The following CSMD1 variants were observed in gnomAD, a reference collection of about 807,000 sequenced individuals.
CSMD1 encodes the protein CUB and Sushi multiple domains 1, also known as CUB and sushi domain-containing protein 1.
A neutral mutation model predicts 417.5 loss-of-function variants in CSMD1; 213 were observed. The ratio of observed to expected loss-of-function variants is 0.51; its 90% CI spans 0.46 to 0.57. The LOEUF is 0.57. CSMD1 is among the 20% of genes least tolerant of loss of function. The pLI is 0.00. For missense variants in CSMD1, 6,923 were observed against 4,529.7 expected (o/e 1.53, Z -15.17); for synonymous variants, 2,862 against 1,736.8 (o/e 1.65, Z -16.11).
intron 3 of CSMD1, among the ~76,000 whole-genome samples, chr8:4,121,273 C>G (rs990654683): frequency 6.6e-6 from 1 of 151,996 alleles, no homozygotes; most frequent in Non-Finnish European, 1.5e-5. Flanking sequence ...TGACACCACA[C>G]CCAGCTCGTT....
At chr8:3,168,332 G>A (rs1820361594) in intron 37 of CSMD1, among the ~76,000 whole-genome samples, 1 of 152,132 alleles carries the variant, frequency 6.6e-6, no homozygotes. Flanking sequence ...ATTATTCTCT[G>A]GCACACGACA....
intron 3 of CSMD1, among the ~76,000 whole-genome samples, chr8:4,099,155 G>A (rs1801173569): frequency 6.6e-6 from 1 of 150,960 alleles, no homozygotes; most frequent in South Asian, 2.1e-4. Context: ...CCCCAACCAT[G>A]CATATGTCTT....
intron 1 of CSMD1, among the ~76,000 whole-genome samples, chr8:4,966,599 G>C (rs182951706): frequency 3.2e-4 from 48 of 152,276 alleles, no homozygotes; most frequent in African/African-American, 8.4e-4. Flanking sequence ...ATTTGTGATT[G>C]AGAGGTACTG....
chr8:3,715,831 C>T (rs972884872), intron 6 of CSMD1, among the ~76,000 whole-genome samples: 3 of 152,208 alleles, frequency 2.0e-5, no homozygotes, highest in African/African-American at 4.8e-5. Flanking sequence ...GCATGAGCCA[C>T]AGCGCCCGGC....
intron 2 of CSMD1, among the ~76,000 whole-genome samples, chr8:4,527,796 G>T (rs1796595954): frequency 6.6e-6 from 1 of 152,106 alleles, no homozygotes; most frequent in African/African-American, 2.4e-5. Flanking sequence ...GATGAATCCT[G>T]GAAAGTCTAA....
intron 36 of CSMD1, 130 bp from the exon 37 acceptor site, chr8:3,181,344 G>C: frequency 3.0e-6 from 2 of 659,874 alleles, no homozygotes; most frequent in Non-Finnish European, 5.2e-6. Context: ...TATTTAATCT[G>C]AGTGTTGGTT....
At chr8:3,957,701 G>C (rs1297521492) in intron 5 of CSMD1, among the ~76,000 whole-genome samples, 3 of 118,992 alleles carry the variant, frequency 2.5e-5, no homozygotes, top group Non-Finnish European at 3.7e-5. Context: ...AAAAAGAAGA[G>C]AAGAGGAAAA....
At chr8:3,823,876 T>C (rs1440428947) in intron 5 of CSMD1, among the ~76,000 whole-genome samples, 1 of 152,178 alleles carries the variant, frequency 6.6e-6, no homozygotes, top group Non-Finnish European at 1.5e-5. Flanking sequence ...ACTTTTCTGA[T>C]CCTCAGTTTC....
chr8:3,259,942 G>C (rs1800932529), intron 26 of CSMD1, among the ~76,000 whole-genome samples: 2 of 152,180 alleles, frequency 1.3e-5, no homozygotes, highest in Admixed American at 6.5e-5. Flanking sequence ...AGCTGCCTTT[G>C]GGCTACACAG....
chr8:4,469,350 C>A (rs774369677), intron 2 of CSMD1, among the ~76,000 whole-genome samples: 9 of 152,164 alleles, frequency 5.9e-5, no homozygotes, highest in Non-Finnish European at 1.2e-4. Context: ...TGTTATTTTA[C>A]CTTGTCCACG....
At chr8:4,151,629 G>C (rs1796574642) in intron 3 of CSMD1, among the ~76,000 whole-genome samples, 2 of 152,108 alleles carry the variant, frequency 1.3e-5, no homozygotes, top group African/African-American at 2.4e-5. Context: ...GTTTCACTTT[G>C]TTATCAAGAA....
chr8:4,447,353 A>C (rs1261885792), intron 2 of CSMD1, among the ~76,000 whole-genome samples: 3 of 152,216 alleles, frequency 2.0e-5, no homozygotes, highest in Non-Finnish European at 4.4e-5. Context: ...ATGCTATACA[A>C]GTTAAGAGGA....
intron 5 of CSMD1, among the ~76,000 whole-genome samples, chr8:3,766,611 G>C (rs1446797153): frequency 3.3e-5 from 5 of 151,854 alleles, no homozygotes; most frequent in Non-Finnish European, 7.4e-5. Context: ...CAAACACAGA[G>C]ATCTCTATAA....
intron 1 of CSMD1, among the ~76,000 whole-genome samples, chr8:4,713,404 GTTT>G (rs1584983776): frequency 6.6e-6 from 1 of 151,584 alleles, no homozygotes; most frequent in East Asian, 1.9e-4. Context: ...GTTTTGTTTT[GTTT>G]TGTTTTGTTT....
chr8:4,345,427 A>G (rs1800725200), intron 3 of CSMD1, among the ~76,000 whole-genome samples: 1 of 152,108 alleles, frequency 6.6e-6, no homozygotes, highest in Admixed American at 6.6e-5. Flanking sequence ...ATAGTGATCA[A>G]ATCAGGATAA....
chr8:3,494,283 C>G (rs770832818), intron 10 of CSMD1, among the ~76,000 whole-genome samples: 1 of 152,042 alleles, frequency 6.6e-6, no homozygotes. Context: ...TGAGCAGCAC[C>G]AAGACATCTG....
At chr8:4,687,165 G>A (rs1374482285) in intron 1 of CSMD1, among the ~76,000 whole-genome samples, 6 of 152,220 alleles carry the variant, frequency 3.9e-5, no homozygotes, top group Admixed American at 3.3e-4. Context: ...GCCAGCCAGA[G>A]AGGCAGGGGT....
At chr8:3,192,649 C>A (rs779217264) in intron 33 of CSMD1, among the ~76,000 whole-genome samples, 51 of 152,122 alleles carry the variant, frequency 3.4e-4, no homozygotes, top group Non-Finnish European at 8.8e-5. Flanking sequence ...CCATTTTATA[C>A]AATATTTTAT....
intron 2 of CSMD1, among the ~76,000 whole-genome samples, chr8:4,535,162 T>A (rs955467458): frequency 6.6e-6 from 1 of 152,256 alleles, no homozygotes; most frequent in Non-Finnish European, 1.5e-5. Context: ...AATTATATAA[T>A]GCAGTATAAT....
Sources: gnomAD v4.1 joint callset for allele counts (sites outside exome capture counted in the v4.1 genomes callset) on GRCh38, gnomAD v4.1.1 for gene constraint, MANE v1.5 for transcripts, NCBI Gene and HGNC (gene_info 2026-07-23, HGNC 2026-07-21) for gene names.